The following CNIH3 variants were observed in gnomAD, a reference collection of about 807,000 sequenced individuals.
CNIH3 encodes the protein protein cornichon homolog 3.
In CNIH3, 14 loss-of-function variants were observed where a neutral mutation model predicts 24.1. The observed-to-expected ratio is 0.58, with a 90% CI of 0.38 to 0.91. CNIH3 has a LOEUF of 0.91. Among genes scored for constraint, CNIH3 ranks in the 40% least tolerant of loss-of-function variants. The probability of loss-of-function intolerance (pLI) is 0.00; values close to 1 mark genes in which losing one functional copy is unlikely to be tolerated. For missense variants in CNIH3, 178 were observed against 196.8 expected (o/e 0.90, Z 0.57); for synonymous variants, 68 against 73.8 (o/e 0.92, Z 0.40).
At chr1:224,451,096 T>C (rs762135931) in intron 1 of CNIH3, among the ~76,000 whole-genome samples, 3 of 152,190 alleles carry the variant, frequency 2.0e-5, no homozygotes, top group Non-Finnish European at 4.4e-5. Context: ...GGCAAAGCCA[T>C]GTCCTCGTGC....
intron 3 of CNIH3, among the ~76,000 whole-genome samples, chr1:224,719,334 G>A (rs1231985815): frequency 6.6e-6 from 1 of 151,998 alleles, no homozygotes; most frequent in Non-Finnish European, 1.5e-5. Context: ...CACACAAAAT[G>A]GTCAGACTCC....
At chr1:224,484,187 T>C (rs1202478120) in intron 1 of CNIH3, among the ~76,000 whole-genome samples, 1 of 110,808 alleles carries the variant, frequency 9.0e-6, no homozygotes, top group African/African-American at 3.3e-5. Context: ...AAAAAAAAAA[T>C]TGGGAGGCCG....
At chr1:224,729,585 T>G (rs1330881935) in intron 3 of CNIH3, among the ~76,000 whole-genome samples, 1 of 151,932 alleles carries the variant, frequency 6.6e-6, no homozygotes, top group East Asian at 1.9e-4. Flanking sequence ...TATCTCCCTA[T>G]ATAACTGGGT....
chr1:224,532,770 T>A (rs1237596629), intron 2 of CNIH3, among the ~76,000 whole-genome samples: 1 of 152,190 alleles, frequency 6.6e-6, no homozygotes, highest in Admixed American at 6.5e-5. Flanking sequence ...CCAATTTGTA[T>A]CTACTAATGC....
At chr1:224,641,282 C>T (rs906815976) in intron 1 of CNIH3, among the ~76,000 whole-genome samples, 2 of 152,220 alleles carry the variant, frequency 1.3e-5, no homozygotes, top group East Asian at 3.9e-4. Context: ...TGAGGGAATG[C>T]TCCTCCTTGC....
intron 1 of CNIH3, among the ~76,000 whole-genome samples, chr1:224,452,581 A>T (rs1185649062): frequency 1.3e-5 from 2 of 151,118 alleles, no homozygotes; most frequent in East Asian, 4.0e-4. Context: ...GGAGATTGAG[A>T]CCATCCTGGC....
chr1:224,483,999 C>T (rs926809975), intron 1 of CNIH3, among the ~76,000 whole-genome samples: 3 of 151,834 alleles, frequency 2.0e-5, no homozygotes, highest in South Asian at 2.1e-4. Flanking sequence ...GGTGAAACCC[C>T]GTCTCTACTA....
At chr1:224,541,894 A>G (rs1020162791), downstream of CNIH3, among the ~76,000 whole-genome samples, 1 of 152,120 alleles carries the variant, frequency 6.6e-6, no homozygotes, top group African/African-American at 2.4e-5. Flanking sequence ...TGTAAGCATC[A>G]CCTCCAATGG....
intron 1 of CNIH3, among the ~76,000 whole-genome samples, chr1:224,507,063 C>T (rs760860837): frequency 1.3e-4 from 20 of 152,238 alleles, no homozygotes; most frequent in Middle Eastern, 3.4e-3. Flanking sequence ...CGGGGTTTCA[C>T]CGTGTTGCCC....
intron 1 of CNIH3, among the ~76,000 whole-genome samples, chr1:224,660,410 G>A (rs757206078): frequency 5.9e-5 from 9 of 152,128 alleles, no homozygotes; most frequent in Non-Finnish European, 1.2e-4. Context: ...GATGAGATTT[G>A]GTTGGGGACA....
intron 5 of CNIH3, 58 bp from the exon 6 acceptor site, chr1:224,739,270 TG>T: frequency 6.5e-7 from 1 of 1,545,176 alleles, no homozygotes; most frequent in South Asian, 1.2e-5. Context: ...GAGTCCTCTG[TG>T]GGCTTCTACT....
intron 4 of CNIH3, among the ~76,000 whole-genome samples, chr1:224,570,577 T>C (rs1210004042): frequency 6.6e-6 from 1 of 152,264 alleles, no homozygotes; most frequent in Admixed American, 6.5e-5. Flanking sequence ...TCTTTATGTA[T>C]TTTGATACTA....
At chr1:224,487,340 G>A (rs1345915615) in intron 1 of CNIH3, among the ~76,000 whole-genome samples, 1 of 152,186 alleles carries the variant, frequency 6.6e-6, no homozygotes, top group African/African-American at 2.4e-5. Context: ...AACAGATGGA[G>A]AGAAGTGCTT....
intron 3 of CNIH3, among the ~76,000 whole-genome samples, chr1:224,549,064 TAC>T (rs1679814107): frequency 6.6e-6 from 1 of 152,092 alleles, no homozygotes; most frequent in Non-Finnish European, 1.5e-5. Flanking sequence ...CACAGTGGTG[TAC>T]ACTTTGTGTA....
intron 1 of CNIH3, among the ~76,000 whole-genome samples, chr1:224,470,870 TACAG>T (rs1676341523): frequency 6.6e-6 from 1 of 152,192 alleles, no homozygotes; most frequent in Admixed American, 6.5e-5. Flanking sequence ...GCTATTTTGA[TACAG>T]ACATACAATA....
intron 4 of CNIH3, among the ~76,000 whole-genome samples, chr1:224,568,124 T>C (rs1004017335): frequency 4.0e-4 from 61 of 152,062 alleles, no homozygotes; most frequent in Non-Finnish European, 1.8e-4. Flanking sequence ...ACCCCGTCTT[T>C]ACTAAAAATA....
chr1:224,480,285 C>G (rs1404392892), intron 1 of CNIH3, among the ~76,000 whole-genome samples: 3 of 152,182 alleles, frequency 2.0e-5, no homozygotes, highest in Admixed American at 1.3e-4. Flanking sequence ...GCACGGGACT[C>G]TGGGCCTGGC....
intron 1 of CNIH3, among the ~76,000 whole-genome samples, chr1:224,641,216 T>C (rs1684343391): frequency 6.6e-6 from 1 of 152,172 alleles, no homozygotes; most frequent in Non-Finnish European, 1.5e-5. Flanking sequence ...CAGCACCTGC[T>C]GTACAGCAAG....
intron 1 of CNIH3, among the ~76,000 whole-genome samples, chr1:224,660,004 A>G (rs1165946639): frequency 6.6e-6 from 1 of 152,238 alleles, no homozygotes. Flanking sequence ...TTTCTAACAC[A>G]GGAGACCAAT....
Sources: allele counts gnomAD v4.1 joint callset (sites outside exome capture counted in the v4.1 genomes callset), GRCh38; gene constraint gnomAD v4.1.1; transcripts MANE v1.5; gene names NCBI Gene and HGNC (gene_info 2026-07-23, HGNC 2026-07-21).